The following USP36 variants were observed in gnomAD, a reference collection of about 807,000 sequenced individuals.
The protein encoded by USP36 is ubiquitin carboxyl-terminal hydrolase 36.
Under a neutral mutation model 111.5 loss-of-function variants are expected in USP36, and 59 were observed. The observed-to-expected ratio is 0.53, with a 90% confidence interval of 0.43 to 0.66. The LOEUF (loss-of-function observed/expected upper bound fraction) is 0.66, where lower values mean the gene tolerates loss of function less well. USP36 is among the 30% of genes least tolerant of loss of function. The probability of loss-of-function intolerance (pLI) is 0.00; values close to 1 mark genes in which losing one functional copy is unlikely to be tolerated. For synonymous variants in USP36, 628 were observed against 581.0 expected, an observed-to-expected ratio of 1.08 and a Z score of -1.16; for missense variants, 1,488 against 1,468.0, an observed-to-expected ratio of 1.01 and a Z score of -0.22.
At chr17:78,800,352 A>G (rs1246141625) in intron 17 of USP36, among the ~76,000 whole-genome samples, 1 of 152,152 alleles carries the variant, frequency 6.6e-6, no homozygotes, top group Non-Finnish European at 1.5e-5. Context: ...AGCCCTGTCC[A>G]GGGGGAACCT....
At position 78,803,156 on chromosome 17, in the gene USP36, C is replaced by T. The variant is rs1443959181; in HGVS notation, c.2810+229G>A. 6.6e-6 allele frequency among the ~76,000 whole-genome samples: 1 copy of T among 152,018 alleles called. No homozygotes were observed. Among genetic ancestry groups the T allele is most frequent in the African/African-American group, 2.4e-5 (1 of 41,374 alleles). On this transcript the variant is annotated intron_variant, in intron 16 of 20. Transcript: ENST00000449938. This position sits in a 1 kb window ranked among gnomAD's most constrained non-coding sequence, Gnocchi z 4.6. Reference sequence around the variant, plus strand: ...TTTTCCATATTGCCTAGGCTGGTCTCAAACTCCTGGGTTGAAGTGATCCAC... The same window carrying T: ...TTTTCCATATTGCCTAGGCTGGTCTTAAACTCCTGGGTTGAAGTGATCCAC...
rs762019942 is a variant in USP36, at chr17:78,827,286, G to A, written c.648C>T (p.Thr216=). 2.5e-6 allele frequency: 4 copies of A among 1,613,918 alleles called. No individual in the cohort carries two copies. Among genetic ancestry groups the A allele is most frequent in the East Asian group, 2.2e-5 (1 of 44,892 alleles). ...GGCAGGCTTTCTGCATGGCGTCGAT[G>A]GTGTACCGCAGGAACTCATGCGCGT... ...QEDAHEFLRY[T]IDAMQKACLN... is the part of the protein sequence containing the mutation. Residue 216 remains threonine, a synonymous_variant, in exon 6 of 21, where the codon ACC becomes ACT. Transcript: ENST00000449938.
chr17:78,799,900 T>TTC, intron 17 of USP36, 132 bp from the exon 18 acceptor site: 2 of 622,222 alleles, frequency 3.2e-6, no homozygotes, highest in South Asian at 5.0e-5. Flanking sequence ...TTTTTTTTTT[T>TTC]TTTTTAAAGA....
intron 13 of USP36, among the ~76,000 whole-genome samples, chr17:78,808,973 C>A (rs961556760): frequency 1.3e-5 from 2 of 152,114 alleles, no homozygotes; most frequent in Admixed American, 1.3e-4. Flanking sequence ...TTCATGAAAT[C>A]TGATGCAAAA....
intron 6 of USP36, chr17:78,823,248 A>T (rs2094373710): frequency 2.5e-6 from 1 of 398,676 alleles, no homozygotes; most frequent in Non-Finnish European, 4.4e-6. Context: ...TTCAAAAGTG[A>T]CCTTTTAACT....
chr17:78,793,548 G>A (rs1465471610), downstream of USP36, among the ~76,000 whole-genome samples: 1 of 152,182 alleles, frequency 6.6e-6, no homozygotes. Flanking sequence ...GGGCAAGAGT[G>A]TGACTCCAGG....
intron 7 of USP36, 26 bp from the exon 8 acceptor site, chr17:78,821,087 C>G: frequency 6.3e-7 from 1 of 1,579,536 alleles, no homozygotes; most frequent in Non-Finnish European, 8.6e-7. Context: ...GGCAGTGGAG[C>G]AGGTGGGGCC....
intron 5 of USP36, among the ~76,000 whole-genome samples, chr17:78,827,961 T>C (rs898115513): frequency 6.6e-6 from 1 of 152,154 alleles, no homozygotes; most frequent in African/African-American, 2.4e-5. Context: ...CAATGGCTTA[T>C]GCCTGTAATC....
At chr17:78,795,588 G>A (rs1397550106), downstream of USP36, 4 of 152,080 alleles carry the variant, frequency 2.6e-5, no homozygotes, top group Admixed American at 1.3e-4. This position sits in a 1 kb window ranked among gnomAD's most constrained non-coding sequence, Gnocchi z 4.5. Context: ...TGGAATCAGC[G>A]AGACTGTGGT....
At position 78,798,546 on chromosome 17, in the gene USP36, C is replaced by T. The variant is rs201928819; in HGVS notation, c.3246G>A (p.Lys1082=). The change falls in exon 20 of 21, where the codon AAG becomes AAA. Residue 1082 remains lysine (K), a synonymous_variant. Transcript: ENST00000449938. This position sits in a 1 kb window ranked among gnomAD's most constrained non-coding sequence, Gnocchi z 5.1. ...WDEEFDRGKE[K]KIKKFKREKR... The stretch of plus-strand genomic sequence containing the variant: ...TCTCTCTCTTAAATTTTTTAATTTT[C>T]TTTTCCTAGACCAAGAATCACAGGC... 1 of 1,613,166 alleles carries T rather than the reference C, an allele frequency of 6.2e-7. No homozygotes were observed. The highest frequency in any genetic ancestry group is 8.5e-7 in the Non-Finnish European group (1 of 1,179,870).
At chr17:78,815,838 TACAC>T (rs10582083) in intron 10 of USP36, among the ~76,000 whole-genome samples, 53 of 137,642 alleles carry the variant, frequency 3.9e-4, no homozygotes, top group South Asian at 2.3e-3. Context: ...CATATATACA[TACAC>T]ACACACATAT....
At chr17:78,808,080 T>A (rs1235932097) in intron 13 of USP36, among the ~76,000 whole-genome samples, 1 of 152,214 alleles carries the variant, frequency 6.6e-6, no homozygotes, top group African/African-American at 2.4e-5. Flanking sequence ...GAAAAAAGTA[T>A]AAAGGAAGAA....
chr17:78,810,121 C>A lies in USP36; in HGVS notation c.1408-2485G>T, dbSNP rs147978428. Reference sequence around the variant, plus strand: ...TCAGCCTCCCAAAGTGCCCGGCCCCCCTCTTCTTTTTTTTGTAGACAAGGT... The same window carrying A: ...TCAGCCTCCCAAAGTGCCCGGCCCCACTCTTCTTTTTTTTGTAGACAAGGT... On this transcript the variant is annotated intron_variant, in intron 13 of 20. Coordinates refer to ENST00000449938, the MANE Select transcript of USP36 (RefSeq NM_001385174.1). 3.9e-5 allele frequency among the ~76,000 whole-genome samples: 6 copies of A among 152,070 alleles called. No individual in the cohort carries two copies. In the East Asian group the frequency reaches 9.7e-4, roughly 25 times the overall value.
chr17:78,822,999 GCT>G (rs573562443), intron 6 of USP36: 131 of 397,058 alleles, frequency 3.3e-4, no homozygotes, highest in African/African-American at 2.6e-3. Flanking sequence ...TGTTTCCAGG[GCT>G]CTCTCCACGT....
At chr17:78,821,841 GAAGA>G (rs2094338450) in intron 7 of USP36, 92 bp downstream of exon 7, 1 of 1,439,520 alleles carries the variant, frequency 6.9e-7, no homozygotes, top group Non-Finnish European at 9.7e-7. Context: ...TCTGCACAGC[GAAGA>G]AAGAGCCCCA....
chr17:78,839,506 A>G (rs973802691), intron 1 of USP36, among the ~76,000 whole-genome samples: 5 of 152,242 alleles, frequency 3.3e-5, no homozygotes, highest in African/African-American at 9.6e-5. Context: ...GTTAGGACTC[A>G]CATCTACCCT....
At chr17:78,794,501 C>T (rs1205475551), downstream of USP36, among the ~76,000 whole-genome samples, 1 of 152,190 alleles carries the variant, frequency 6.6e-6, no homozygotes, top group Non-Finnish European at 1.5e-5. Flanking sequence ...TCCCTAACAG[C>T]ACTCACCCTG....
intron 4 of USP36, among the ~76,000 whole-genome samples, chr17:78,832,478 T>C (rs1599100533): frequency 6.6e-6 from 1 of 152,234 alleles, no homozygotes. Flanking sequence ...GGGACCGGTA[T>C]TGGAAGGAAG....
intron 2 of USP36, among the ~76,000 whole-genome samples, chr17:78,838,070 TG>T (rs1199797247): frequency 6.6e-6 from 1 of 152,138 alleles, no homozygotes; most frequent in Non-Finnish European, 1.5e-5. Flanking sequence ...CAGTCCAGCC[TG>T]GGCAACATCG....
Sources: allele counts gnomAD v4.1 joint callset (sites outside exome capture counted in the v4.1 genomes callset), GRCh38; gene constraint gnomAD v4.1.1; non-coding constraint Gnocchi (gnomAD v3.1); transcripts MANE v1.5; gene names NCBI Gene and HGNC (gene_info 2026-07-23, HGNC 2026-07-21).